CENPP: variants seen among roughly 807,000 people sequenced by gnomAD.
CENPP encodes the protein centromere protein P.
A neutral mutation model predicts 35.6 loss-of-function variants in CENPP; 24 were observed. That is an observed-to-expected ratio of 0.67 (90% CI 0.49 to 0.95). The LOEUF (loss-of-function observed/expected upper bound fraction) is 0.95, where lower values mean the gene tolerates loss of function less well. Ranked by LOEUF, CENPP falls within the 40% of genes least tolerant of loss-of-function variation. CENPP has a pLI of 0.00. For missense variants in CENPP, 332 were observed against 345.3 expected, an observed-to-expected ratio of 0.96 and a Z score of 0.31; for synonymous variants, 120 against 125.5, an observed-to-expected ratio of 0.96 and a Z score of 0.29.
chr9:92,494,679 C>T (rs1025843266), intron 5 of CENPP, among the ~76,000 whole-genome samples: 6 of 152,000 alleles, frequency 3.9e-5, no homozygotes, highest in African/African-American at 1.5e-4. Context: ...GAGGCCGAGG[C>T]GGTCTTATCA....
intron 5 of CENPP, among the ~76,000 whole-genome samples, chr9:92,572,289 G>T (rs1850163236): frequency 6.6e-6 from 1 of 152,106 alleles, no homozygotes; most frequent in Admixed American, 6.5e-5. Context: ...GCCTGGCAGT[G>T]ACAAAATCTC....
chr9:92,447,202 A>G (rs1379888442), intron 5 of CENPP, among the ~76,000 whole-genome samples: 5 of 149,986 alleles, frequency 3.3e-5, no homozygotes, highest in Non-Finnish European at 7.4e-5. Flanking sequence ...CAGTCGCATT[A>G]CATTTATTGT....
At chr9:92,390,074 T>TA (rs772165104) in intron 5 of CENPP, 6 of 1,414,424 alleles carry the variant, frequency 4.2e-6, no homozygotes, top group East Asian at 2.3e-5. Flanking sequence ...GAAAAAAATA[T>TA]AAAAAACAAC....
At position 92,522,685 on chromosome 9, in the gene CENPP, A is replaced by G. The variant is rs771911053; in HGVS notation, c.565-88629A>G. ...AATAGGAAGTCTTGCTACTGGTGTA[A>G]AAACTGTTGTTTGCTGAATTCCAAG... On this transcript the variant is annotated intron_variant, in intron 5 of 7. Coordinates refer to ENST00000375587, the MANE Select transcript of CENPP (RefSeq NM_001012267.3). The G allele has an allele frequency of 2.5e-6, 4 of 1,614,126 alleles. No homozygotes were observed. In the South Asian group the frequency reaches 4.4e-5, roughly 18 times the overall value.
chr9:92,337,146 T>G (rs1588036673), intron 2 of CENPP, among the ~76,000 whole-genome samples: 1 of 152,086 alleles, frequency 6.6e-6, no homozygotes, highest in South Asian at 2.1e-4. Flanking sequence ...GGTGAAACCC[T>G]GTCTCTACTA....
intron 5 of CENPP, chr9:92,403,172 CA>C: frequency 8.5e-7 from 1 of 1,174,598 alleles, no homozygotes. Flanking sequence ...TCAGGAAAAG[CA>C]AAAACATGCA....
chr9:92,353,244 C>T (rs575528736), intron 4 of CENPP, among the ~76,000 whole-genome samples: 1 of 152,214 alleles, frequency 6.6e-6, no homozygotes, highest in South Asian at 2.1e-4. Flanking sequence ...AATTACAGTC[C>T]CCGTTTCTGC....
intron 5 of CENPP, chr9:92,515,268 T>A (rs1847631345): frequency 2.2e-6 from 3 of 1,394,538 alleles, no homozygotes; most frequent in African/African-American, 1.5e-5. Flanking sequence ...GAAAAAACCA[T>A]AATGAAAATG....
Position 92,356,469 on chromosome 9 carries a change from A to G in CENPP, c.467+10682A>G, listed in dbSNP as rs557177209. On this transcript the variant is annotated intron_variant, in intron 4 of 7. Coordinates refer to ENST00000375587, the MANE Select transcript of CENPP (RefSeq NM_001012267.3). ...CTTTTTCAAGGTGCACTGATTTCAT[A>G]TTGTTCAAACACACATGTTTTACAA... Among the ~76,000 whole-genome samples the G allele has an allele frequency of 2.4e-4, 37 of 152,308 alleles. 1 individual carries two copies. In the Middle Eastern group the frequency reaches 0.01, roughly 42 times the overall value.
intron 5 of CENPP, among the ~76,000 whole-genome samples, chr9:92,433,593 T>C (rs1844172323): frequency 1.3e-5 from 2 of 152,292 alleles, no homozygotes; most frequent in Middle Eastern, 6.8e-3. Flanking sequence ...ATCTGAAATG[T>C]TTTATAAATG....
rs577794056 is a variant in CENPP at position 92,568,481 on chromosome 9, A to C, written c.565-42833A>C. On this transcript the variant is annotated intron_variant, in intron 5 of 7. Transcript: ENST00000375587. ...GTGCCACATTTTCTTAATCCAGTCT[A>C]TCATTGATGGACATTTGGGTTGGTT... is the stretch of plus-strand genomic sequence containing the variant. Among the ~76,000 whole-genome samples, 9 of 152,208 alleles carry C rather than the reference A, an allele frequency of 5.9e-5. No individual in the cohort carries two copies. In the South Asian group the frequency reaches 1.7e-3, roughly 28 times the overall value.
At chr9:92,378,860 C>A (rs1842181744) in intron 4 of CENPP, among the ~76,000 whole-genome samples, 1 of 152,158 alleles carries the variant, frequency 6.6e-6, no homozygotes, top group Admixed American at 6.5e-5. Context: ...ATTGTTCTGA[C>A]AATGGTTCTC....
At chr9:92,495,233 A>T (rs1846290531) in intron 5 of CENPP, 1 of 632,946 alleles carries the variant, frequency 1.6e-6, no homozygotes, top group Admixed American at 6.3e-5. Flanking sequence ...GCCAAGACAT[A>T]AAACTGAGAG....
intron 5 of CENPP, among the ~76,000 whole-genome samples, chr9:92,597,213 A>G (rs1850805366): frequency 6.6e-6 from 1 of 152,192 alleles, no homozygotes; most frequent in African/African-American, 2.4e-5. Flanking sequence ...CATTAAAATG[A>G]GCAATATACC....
At chr9:92,486,672 C>G (rs1012568943) in intron 5 of CENPP, among the ~76,000 whole-genome samples, 3 of 152,004 alleles carry the variant, frequency 2.0e-5, no homozygotes, top group African/African-American at 7.2e-5. Context: ...CTTGAAGTTT[C>G]TAGTTCTGAA....
intron 5 of CENPP, among the ~76,000 whole-genome samples, chr9:92,401,825 T>A (rs1843123368): frequency 6.6e-6 from 1 of 152,046 alleles, no homozygotes; most frequent in African/African-American, 2.4e-5. Flanking sequence ...TCTTGGAGAG[T>A]ACGTTTTCTG....
intron 5 of CENPP, among the ~76,000 whole-genome samples, chr9:92,565,293 TAAAAAAAAAAAAA>T (rs3078380): frequency 1.8e-3 from 61 of 33,154 alleles, no homozygotes; most frequent in Middle Eastern, 0.026. Context: ...GCTGATGAGC[TAAAAAAAAAAAAA>T]AAAAAAAAAA....
intron 5 of CENPP, among the ~76,000 whole-genome samples, chr9:92,506,715 G>T (rs1588197618): frequency 6.6e-6 from 1 of 152,204 alleles, no homozygotes; most frequent in East Asian, 1.9e-4. Flanking sequence ...GGCTCCTACA[G>T]ACAGAAAGAT....
chr9:92,508,989 T>C (rs2131182097), intron 5 of CENPP, among the ~76,000 whole-genome samples: 1 of 151,918 alleles, frequency 6.6e-6, no homozygotes. Flanking sequence ...AAGTACACAG[T>C]ACAATCAAAG....
Sources: allele counts gnomAD v4.1 joint callset (sites outside exome capture counted in the v4.1 genomes callset), GRCh38; gene constraint gnomAD v4.1.1; transcripts MANE v1.5; gene names NCBI Gene and HGNC (gene_info 2026-07-23, HGNC 2026-07-21).